SDHAF3: variants seen among roughly 807,000 people sequenced by gnomAD.
The protein encoded by SDHAF3 is succinate dehydrogenase complex assembly factor 3, also known as succinate dehydrogenase assembly factor 3, mitochondrial.
In SDHAF3, 18 loss-of-function variants were observed where a neutral mutation model predicts 11.5. The observed-to-expected ratio is 1.56, with a 90% CI of 1.08 to 2.32. SDHAF3 has a LOEUF of 2.32. Among genes scored for constraint, SDHAF3 ranks in the 30% most tolerant of loss-of-function variants. SDHAF3 has a pLI of 0.00. For synonymous variants in SDHAF3, 72 were observed against 59.3 expected, an observed-to-expected ratio of 1.21 and a Z score of -0.99; for missense variants, 200 against 154.4, an observed-to-expected ratio of 1.30 and a Z score of -1.57.
At chr7:97,171,745 T>C (rs1789604002) in intron 1 of SDHAF3, among the ~76,000 whole-genome samples, 1 of 152,078 alleles carries the variant, frequency 6.6e-6, no homozygotes, top group South Asian at 2.1e-4. Flanking sequence ...ATTATCTTTA[T>C]TTACAGAGCT....
At chr7:97,119,861 TC>T (rs1263113936) in intron 1 of SDHAF3, among the ~76,000 whole-genome samples, 1 of 152,130 alleles carries the variant, frequency 6.6e-6, no homozygotes, top group East Asian at 1.9e-4. Flanking sequence ...GTTATGCATT[TC>T]ATAACATCTC....
chr7:97,169,958 T>G (rs1350093638), intron 1 of SDHAF3, among the ~76,000 whole-genome samples: 1 of 152,188 alleles, frequency 6.6e-6, no homozygotes, highest in Non-Finnish European at 1.5e-5. Context: ...TTTAAATCAG[T>G]AGTGTATATA....
intron 1 of SDHAF3, among the ~76,000 whole-genome samples, chr7:97,120,287 A>G (rs900503101): frequency 3.9e-5 from 6 of 152,162 alleles, no homozygotes; most frequent in African/African-American, 1.4e-4. Context: ...TTTGTATAAC[A>G]TAATTATCAC....
At chr7:97,136,676 C>G (rs559604184) in intron 1 of SDHAF3, among the ~76,000 whole-genome samples, 1 of 152,196 alleles carries the variant, frequency 6.6e-6, no homozygotes, top group East Asian at 1.9e-4. Flanking sequence ...GTTTTTTTCT[C>G]TTTTAAAAGC....
At chr7:97,170,974 C>T (rs978261970) in intron 1 of SDHAF3, among the ~76,000 whole-genome samples, 1 of 152,126 alleles carries the variant, frequency 6.6e-6, no homozygotes, top group African/African-American at 2.4e-5. Context: ...CCCAAGAAAC[C>T]AAATTTATTA....
intron 1 of SDHAF3, among the ~76,000 whole-genome samples, chr7:97,139,704 T>C (rs1488621905): frequency 6.6e-6 from 1 of 152,226 alleles, no homozygotes; most frequent in Non-Finnish European, 1.5e-5. Flanking sequence ...AGGAAGTAGG[T>C]TGACAGGAAG....
chr7:97,128,669 TAAA>T lies in SDHAF3; in HGVS notation c.174+10775_174+10777del, dbSNP rs894371614. ...AAATTATATATGCATGAAAGGAAAA[TAAA>T]AAGAAATTAAAATTCATGAAAAATA... On this transcript the variant is annotated intron_variant, in intron 1 of 1. Transcript: ENST00000432641. 1.1e-3 allele frequency among the ~76,000 whole-genome samples: 166 copies of T among 152,166 alleles called. 1 individual carries two copies. The highest frequency in any genetic ancestry group is 3.7e-3 in the African/African-American group (154 of 41,508).
At chr7:97,135,205 G>A (rs1290048494) in intron 1 of SDHAF3, 1 of 151,992 alleles carries the variant, frequency 6.6e-6, no homozygotes, top group Non-Finnish European at 1.5e-5. Flanking sequence ...ATCAGTAAGG[G>A]TACTCTACAT....
intron 1 of SDHAF3, among the ~76,000 whole-genome samples, chr7:97,172,341 A>T (rs567896041): frequency 1.3e-5 from 2 of 152,230 alleles, no homozygotes; most frequent in East Asian, 3.9e-4. Flanking sequence ...TTCTATATGC[A>T]TGTATTTTTT....
intron 1 of SDHAF3, among the ~76,000 whole-genome samples, chr7:97,134,848 A>G (rs1213027537): frequency 1.3e-5 from 2 of 152,132 alleles, no homozygotes; most frequent in Admixed American, 6.5e-5. Flanking sequence ...CATACTTAAG[A>G]TTTTCAGAAC....
Position 97,181,016 on chromosome 7 carries a change from A to G in SDHAF3, c.179A>G (p.Tyr60Cys), listed in dbSNP as rs752341281. The G allele has an allele frequency of 1.9e-6, 3 of 1,613,010 alleles. No individual in the cohort carries two copies. Among genetic ancestry groups the G allele is most frequent in the South Asian group, 1.1e-5 (1 of 90,962 alleles). Residue 60 changes from tyrosine (Y) to cysteine (C), a missense_variant, in exon 2 of 2, where the codon TAT becomes TGT. Coordinates refer to ENST00000432641, the MANE Select transcript of SDHAF3 (RefSeq NM_020186.3). ...AQRFLQEWEV[Y>C]ATALLQQANE... is the part of the protein sequence containing the mutation. ...CTTCATTCTTTATCTTTTTAGGTGT[A>G]TGCAACAGCGTTATTGCAACAGGCT... is the stretch of plus-strand genomic sequence containing the variant.
intron 1 of SDHAF3, among the ~76,000 whole-genome samples, chr7:97,138,809 T>C (rs1278254084): frequency 2.0e-5 from 3 of 152,264 alleles, no homozygotes; most frequent in African/African-American, 7.2e-5. Flanking sequence ...TTTTTGGTGC[T>C]GCTTTGCCAG....
intron 1 of SDHAF3, among the ~76,000 whole-genome samples, chr7:97,135,802 C>T (rs1287606566): frequency 6.7e-6 from 1 of 150,202 alleles, no homozygotes; most frequent in Non-Finnish European, 1.5e-5. Context: ...ATTCTTCTGC[C>T]TCAGCCTCCT....
chr7:97,170,582 A>T lies in SDHAF3; in HGVS notation c.175-10430A>T, dbSNP rs543049842. Among the ~76,000 whole-genome samples the T allele has an allele frequency of 3.3e-5, 5 of 152,350 alleles. No homozygotes were observed. In the East Asian group the frequency reaches 9.6e-4, roughly 29 times the overall value. On this transcript the variant is annotated intron_variant, in intron 1 of 1. Coordinates refer to ENST00000432641, the MANE Select transcript of SDHAF3 (RefSeq NM_020186.3). ...GACATAGAGTTTATAGTAGACAAAT[A>T]TAAAGAATATTTGTGAACTAGGTTT... is the stretch of plus-strand genomic sequence containing the variant.
intron 1 of SDHAF3, among the ~76,000 whole-genome samples, chr7:97,137,625 A>C (rs1788949311): frequency 6.6e-6 from 1 of 152,198 alleles, no homozygotes; most frequent in Non-Finnish European, 1.5e-5. Flanking sequence ...ATTAGTACAT[A>C]GTATCTTTAA....
At chr7:97,169,885 T>C (rs1476791445) in intron 1 of SDHAF3, among the ~76,000 whole-genome samples, 1 of 152,208 alleles carries the variant, frequency 6.6e-6, no homozygotes, top group Non-Finnish European at 1.5e-5. Context: ...AAGAATTTTT[T>C]CAAAAGCCTT....
chr7:97,132,735 A>T lies in SDHAF3; in HGVS notation c.174+14838A>T, dbSNP rs78374317. Among the ~76,000 whole-genome samples the T allele has an allele frequency of 9.3e-3, 1,424 of 152,304 alleles. 21 individuals are homozygous for T. The highest frequency in any genetic ancestry group is 0.032 in the African/African-American group (1,335 of 41,566). ...AACTGTTGGTTTGTCTTCTTCTGACACATCAATCAGGGAGGGTGGAAGACA... is the reference window on the plus strand; with the variant it reads ...AACTGTTGGTTTGTCTTCTTCTGACTCATCAATCAGGGAGGGTGGAAGACA... On this transcript the variant is annotated intron_variant, in intron 1 of 1. Transcript: ENST00000432641.
At position 97,143,968 on chromosome 7, in the gene SDHAF3, C is replaced by T. The variant is rs183044095; in HGVS notation, c.174+26071C>T. Among the ~76,000 whole-genome samples the T allele has an allele frequency of 4.0e-3, 610 of 152,106 alleles. 8 individuals are homozygous for T. The highest frequency in any genetic ancestry group is 6.8e-3 in the Middle Eastern group (2 of 294). ...TTCCCACCAGCAGTGTAGAAGTGTC[C>T]GCTGATCACCGCATCCACGCCAACA... On this transcript the variant is annotated intron_variant, in intron 1 of 1. Transcript: ENST00000432641.
At chr7:97,119,721 A>G (rs745436878) in intron 1 of SDHAF3, among the ~76,000 whole-genome samples, 16 of 152,160 alleles carry the variant, frequency 1.1e-4, no homozygotes, top group Non-Finnish European at 2.2e-4. Flanking sequence ...CTTAATCTCC[A>G]TTCTGTGACA....
Sources: gnomAD v4.1 joint callset for allele counts (sites outside exome capture counted in the v4.1 genomes callset) on GRCh38, gnomAD v4.1.1 for gene constraint, MANE v1.5 for transcripts, NCBI Gene and HGNC (gene_info 2026-07-23, HGNC 2026-07-21) for gene names.